The following FAM135A variants were observed in gnomAD, a reference collection of about 807,000 sequenced individuals.
The protein encoded by FAM135A is family with sequence similarity 135 member A.
FAM135A carries 79 observed loss-of-function variants against 146.8 expected under a neutral mutation model. The ratio of observed to expected loss-of-function variants is 0.54; its 90% CI spans 0.45 to 0.65. The LOEUF (loss-of-function observed/expected upper bound fraction) is 0.65, where lower values mean the gene tolerates loss of function less well. Ranked by LOEUF, FAM135A falls within the 30% of genes least tolerant of loss-of-function variation. The pLI is 0.00. For missense variants in FAM135A, 1,623 were observed against 1,758.2 expected (o/e 0.92, Z 1.38); for synonymous variants, 562 against 603.6 (o/e 0.93, Z 1.01).
chr6:70,493,597 G>A (rs545626164), intron 11 of FAM135A, among the ~76,000 whole-genome samples: 27 of 152,168 alleles, frequency 1.8e-4, no homozygotes, highest in African/African-American at 6.5e-4. Flanking sequence ...TTGGCAGTAC[G>A]TATCCACAGC....
At chr6:70,452,085 C>A (rs1316360620) in intron 4 of FAM135A, among the ~76,000 whole-genome samples, 2 of 151,118 alleles carry the variant, frequency 1.3e-5, no homozygotes, top group African/African-American at 2.4e-5. Flanking sequence ...TTTATAGAAT[C>A]CAGTTTTTAA....
intron 2 of FAM135A, among the ~76,000 whole-genome samples, chr6:70,426,109 C>CAAAAA (rs543932611): frequency 6.2e-4 from 59 of 95,890 alleles, no homozygotes; most frequent in South Asian, 4.1e-3. Context: ...GACTCCGTCT[C>CAAAAA]AAAAAAAAAA....
chr6:70,424,557 C>G (rs114822098), intron 2 of FAM135A, among the ~76,000 whole-genome samples: 422 of 152,344 alleles, frequency 2.8e-3, no homozygotes, highest in African/African-American at 9.4e-3. Flanking sequence ...GGTGGGATAG[C>G]AGCATCCTTA....
In FAM135A at chr6:70,481,983, C is replaced by T; in HGVS notation, c.670-18C>T. ...TGTATTACTGACACTCTGTATCCTA[C>T]ATCTGTTTTTTGTTTAGGGTTGTAG... On this transcript the variant is annotated intron_variant, in intron 9 of 21. Transcript: ENST00000418814. 6.2e-7 allele frequency: 1 copy of T among 1,605,814 alleles called. No homozygotes were observed. The highest frequency in any genetic ancestry group is 1.1e-5 in the South Asian group (1 of 89,614).
At chr6:70,549,904 T>C (rs892929721) in intron 20 of FAM135A, among the ~76,000 whole-genome samples, 6 of 152,220 alleles carry the variant, frequency 3.9e-5, no homozygotes, top group Non-Finnish European at 8.8e-5. Context: ...CACTGCTTTT[T>C]CAACTCTTTA....
intron 8 of FAM135A, 67 bp downstream of exon 8, chr6:70,477,399 G>T (rs117098879): frequency 1.4e-6 from 2 of 1,481,256 alleles, no homozygotes; most frequent in Admixed American, 2.0e-5. Context: ...CCTGAGACTG[G>T]TCAATTTATA....
chr6:70,475,485 A>T lies in FAM135A; in HGVS notation c.233A>T (p.Asn78Ile), dbSNP rs770940059. The stretch of plus-strand genomic sequence containing the variant: ...AAAACATTTCAAATTTTGTACAAAA[A>T]TGAAGAGGTTGTTTTAAATGATGTT... The part of the protein sequence containing the change: ...CSKTFQILYK[N>I]EEVVLNDVMI... Residue 78 changes from asparagine to isoleucine, a missense_variant, in exon 6 of 22, where the codon AAT becomes ATT. Around this residue, in one of 7 missense-constraint regions of FAM135A, gnomAD observed 171 missense variants for 164.9 expected, o/e 1.04. Coordinates refer to ENST00000418814, the MANE Select transcript of FAM135A (RefSeq NM_001162529.3). 6.2e-7 allele frequency: 1 copy of T among 1,606,866 alleles called. No homozygotes were observed. Among genetic ancestry groups the T allele is most frequent in the Admixed American group, 1.7e-5 (1 of 58,986 alleles).
At chr6:70,480,801 C>T in intron 8 of FAM135A, 100 bp from the exon 9 acceptor site, 1 of 1,154,040 alleles carries the variant, frequency 8.7e-7, no homozygotes, top group Non-Finnish European at 1.2e-6. Context: ...ACTTGCAAAA[C>T]CCTTGCTGTT....
chr6:70,524,912 G>A lies in FAM135A; in HGVS notation c.1828G>A (p.Ala610Thr), dbSNP rs749316930. The A allele has an allele frequency of 6.2e-7, 1 of 1,612,136 alleles. No homozygotes were observed. The highest frequency in any genetic ancestry group is 1.1e-5 in the South Asian group (1 of 90,606). The change falls in exon 15 of 22, where the codon GCA becomes ACA. Residue 610 changes from alanine (A) to threonine (T), a missense_variant. Coordinates refer to ENST00000418814, the MANE Select transcript of FAM135A (RefSeq NM_001162529.3). Reference protein sequence around the residue: ...PLNSGNLNLCANLSISGKLDI... With the variant: ...PLNSGNLNLCTNLSISGKLDI... ...GAACTCTGGCAACCTAAATCTTTGTGCAAATTTGTCCATTTCAGGTAAACT... is the reference window on the plus strand; with the variant it reads ...GAACTCTGGCAACCTAAATCTTTGTACAAATTTGTCCATTTCAGGTAAACT...
intron 5 of FAM135A, among the ~76,000 whole-genome samples, chr6:70,474,885 C>T (rs1018416175): frequency 6.6e-6 from 1 of 152,144 alleles, no homozygotes; most frequent in Admixed American, 6.6e-5. Context: ...AGGCTCAAAG[C>T]GCAACTCTCT....
At chr6:70,486,334 A>G (rs1784647830) in intron 10 of FAM135A, 6 of 1,035,374 alleles carry the variant, frequency 5.8e-6, no homozygotes, top group Non-Finnish European at 7.3e-6. Flanking sequence ...TCATAAATGT[A>G]TATTTAATAA....
intron 20 of FAM135A, among the ~76,000 whole-genome samples, chr6:70,542,420 C>G (rs1459739631): frequency 6.6e-6 from 1 of 151,884 alleles, no homozygotes; most frequent in Non-Finnish European, 1.5e-5. Flanking sequence ...CCCATCTTTT[C>G]AGAACTAATT....
chr6:70,538,455 T>C, intron 20 of FAM135A, 54 bp downstream of exon 20: 1 of 1,009,480 alleles, frequency 9.9e-7, no homozygotes, highest in Non-Finnish European at 1.3e-6. Flanking sequence ...TTTTAAAAAA[T>C]AAACATTTAG....
rs145064580 is a variant in FAM135A at position 70,448,275 on chromosome 6, G to A, written c.78-4217G>A. On this transcript the variant is annotated intron_variant, in intron 4 of 21. Coordinates refer to ENST00000418814, the MANE Select transcript of FAM135A (RefSeq NM_001162529.3). ...GACATGAACCTCTCCCTCCTTTGCC[G>A]CTTTAGCTGGCAAACAAACCTGCTC... is the stretch of plus-strand genomic sequence containing the variant. Among the ~76,000 whole-genome samples, 31 of 152,204 alleles carry A rather than the reference G, an allele frequency of 2.0e-4. No individual in the cohort carries two copies. In the East Asian group the frequency reaches 4.1e-3, roughly 20 times the overall value.
chr6:70,466,204 G>A (rs186384357), intron 5 of FAM135A, among the ~76,000 whole-genome samples: 35 of 152,166 alleles, frequency 2.3e-4, no homozygotes, highest in Admixed American at 3.3e-4. Flanking sequence ...ACATAACACA[G>A]TATTTTATTA....
chr6:70,483,819 CAT>C (rs886933551), intron 10 of FAM135A, among the ~76,000 whole-genome samples: 11 of 152,108 alleles, frequency 7.2e-5, no homozygotes, highest in Admixed American at 1.3e-4. Flanking sequence ...AACCCAAAAA[CAT>C]GTGTTAATAG....
chr6:70,556,722 A>G (rs764768564), intron 20 of FAM135A, 28 bp from the exon 21 acceptor site: 2 of 1,428,430 alleles, frequency 1.4e-6, no homozygotes, highest in Admixed American at 2.0e-5. Context: ...TAACTACTGC[A>G]TTATAATTTA....
rs551119539 is a variant in FAM135A at position 70,452,505 on chromosome 6, C to T, written c.91C>T (p.Arg31Cys). 2.3e-5 allele frequency: 36 copies of T among 1,596,310 alleles called. No homozygotes were observed. The South Asian group carries it at 3.6e-4, about 16-fold the overall frequency. Residue 31 changes from arginine (R) to cysteine (C), a missense_variant, in exon 5 of 22, where the codon CGT (arginine) becomes TGT (cysteine). Coordinates refer to ENST00000418814, the MANE Select transcript of FAM135A (RefSeq NM_001162529.3). ...DLFQRGFYQI[R>C]ASMKIPSRIP... ...ATTTTGCTTTAGTTTTTACCAGATT[C>T]GTGCTTCTATGAAAATTCCATCAAG...
chr6:70,487,166 A>G (rs1245820357), intron 10 of FAM135A, among the ~76,000 whole-genome samples: 3 of 146,382 alleles, frequency 2.0e-5, no homozygotes, highest in Non-Finnish European at 4.5e-5. Flanking sequence ...GTTGTGTTGT[A>G]TGTTTGTTTG....
Sources: gnomAD v4.1 joint callset for allele counts (sites outside exome capture counted in the v4.1 genomes callset) on GRCh38, gnomAD v4.1.1 for gene constraint, gnomAD v4.1.1 regional missense constraint, MANE v1.5 for transcripts, NCBI Gene and HGNC (gene_info 2026-07-23, HGNC 2026-07-21) for gene names.